The following KIAA0319L variants were observed in gnomAD, a reference collection of about 807,000 sequenced individuals.
KIAA0319L encodes the protein dyslexia-associated protein KIAA0319-like protein.
In KIAA0319L, 55 loss-of-function variants were observed where a neutral mutation model predicts 120.1. That is an observed-to-expected ratio of 0.46 (90% CI 0.37 to 0.57). The LOEUF (loss-of-function observed/expected upper bound fraction) is 0.57. KIAA0319L is among the 20% of genes least tolerant of loss of function. The probability of loss-of-function intolerance (pLI) is 0.00; values close to 1 mark genes in which losing one functional copy is unlikely to be tolerated. For synonymous variants in KIAA0319L, 398 were observed against 471.9 expected, an observed-to-expected ratio of 0.84 and a Z score of 2.03; for missense variants, 1,049 against 1,255.3, an observed-to-expected ratio of 0.84 and a Z score of 2.48.
rs763799325 is a variant in KIAA0319L, at chr1:35,479,178, G to A, written c.701C>T (p.Thr234Ile). The A allele has an allele frequency of 6.2e-6, 10 of 1,613,686 alleles. No homozygotes were observed. The highest frequency in any genetic ancestry group is 4.0e-5 in the African/African-American group (3 of 74,876). ...AGACAGCTCTGCAGTCAGGTCTGTG[G>A]TTAGGGGACTGGAAATTGTAATCGC... ...HKAITISSPL[T>I]TDLTAELSGG... is the part of the protein sequence containing the mutation. Residue 234 changes from threonine to isoleucine, a missense_variant, in exon 4 of 21, where the codon ACC (threonine) becomes ATC (isoleucine). Physicochemically the swap from Thr to Ile is moderately conservative, Grantham distance 89. Coordinates refer to ENST00000325722, the MANE Select transcript of KIAA0319L (RefSeq NM_024874.5).
intron 1 of KIAA0319L, 75 bp from the exon 2 acceptor site, chr1:35,554,594 A>C: frequency 2.7e-6 from 3 of 1,095,678 alleles, no homozygotes; most frequent in South Asian, 1.8e-5. Context: ...GAATGCTAGA[A>C]AATATGACAG....
At chr1:35,439,107 C>T (rs1186690458) in intron 20 of KIAA0319L, 1 of 152,244 alleles carries the variant, frequency 6.6e-6, no homozygotes, top group East Asian at 1.9e-4. Context: ...TCAGCAGGGA[C>T]CCTGCTCATC....
intron 3 of KIAA0319L, among the ~76,000 whole-genome samples, chr1:35,505,409 A>G (rs988574084): frequency 6.6e-6 from 1 of 152,204 alleles, no homozygotes; most frequent in Non-Finnish European, 1.5e-5. Flanking sequence ...AACATCTCGG[A>G]GAAGTCTTAC....
intron 2 of KIAA0319L, among the ~76,000 whole-genome samples, chr1:35,528,563 A>G (rs1646241957): frequency 6.6e-6 from 1 of 152,188 alleles, no homozygotes; most frequent in Admixed American, 6.5e-5. Context: ...AGAATGTTCC[A>G]TGTGTTGATG....
intron 2 of KIAA0319L, among the ~76,000 whole-genome samples, chr1:35,521,695 G>A (rs1645923827): frequency 6.6e-6 from 1 of 150,844 alleles, no homozygotes; most frequent in Admixed American, 6.6e-5. Flanking sequence ...TAAGTAGGCC[G>A]AGAGCGGTGG....
chr1:35,456,714 G>C (rs897706279), intron 9 of KIAA0319L, among the ~76,000 whole-genome samples: 1 of 151,902 alleles, frequency 6.6e-6, no homozygotes, highest in Non-Finnish European at 1.5e-5. Flanking sequence ...GGGAGGCTGA[G>C]GCAAGAGAAT....
At position 35,442,291 on chromosome 1, in the gene KIAA0319L, A is replaced by G; in HGVS notation, c.2825T>C (p.Val942Ala). ...YVIIATFVIV[V>A]ALGILSWTVI... is the part of the protein sequence containing the mutation. ...AGTCCAAGACAGGATTCCCAAGGCAACAACAATGACAAAGGTAGCAATGAT... is the reference window on the plus strand; with the variant it reads ...AGTCCAAGACAGGATTCCCAAGGCAGCAACAATGACAAAGGTAGCAATGAT... Residue 942 changes from valine to alanine, a missense_variant, in exon 19 of 21, where the codon GTT (valine) becomes GCT (alanine). Coordinates refer to ENST00000325722, the MANE Select transcript of KIAA0319L (RefSeq NM_024874.5). 1 of 1,614,040 alleles carries G rather than the reference A, an allele frequency of 6.2e-7. No individual in the cohort carries two copies. The highest frequency in any genetic ancestry group is 8.5e-7 in the Non-Finnish European group (1 of 1,179,872).
intron 2 of KIAA0319L, among the ~76,000 whole-genome samples, chr1:35,523,272 T>G (rs982772909): frequency 6.6e-6 from 1 of 152,184 alleles, no homozygotes; most frequent in African/African-American, 2.4e-5. Flanking sequence ...TCCATGTCTT[T>G]GCCCCTCACT....
rs368152357 is a variant in KIAA0319L at position 35,484,962 on chromosome 1, G to A, written c.667-5750C>T. On this transcript the variant is annotated intron_variant, in intron 3 of 20. Transcript: ENST00000325722. Reference sequence around the variant, plus strand: ...CAATGCTATCCCTCCCCCCTCCCCCGACCCCACCACAGTCCCCAGAGTGTG... The same window carrying A: ...CAATGCTATCCCTCCCCCCTCCCCCAACCCCACCACAGTCCCCAGAGTGTG... 4.1e-4 allele frequency among the ~76,000 whole-genome samples: 18 copies of A among 44,374 alleles called. No homozygotes were observed. The East Asian group carries it at 6.0e-3, about 15-fold the overall frequency. The allele number at this position is 44,374 out of a possible 152,430, so 29.1% of individuals were successfully genotyped here.
chr1:35,452,729 G>A (rs901904657), intron 12 of KIAA0319L, among the ~76,000 whole-genome samples: 6 of 152,126 alleles, frequency 3.9e-5, no homozygotes, highest in Non-Finnish European at 8.8e-5. Context: ...CAAGAGCTGA[G>A]GGAAATAATT....
At chr1:35,526,927 A>C (rs925586804) in intron 2 of KIAA0319L, among the ~76,000 whole-genome samples, 6 of 152,080 alleles carry the variant, frequency 3.9e-5, no homozygotes, top group African/African-American at 9.7e-5. Context: ...AAATTTAAAG[A>C]ATTATTCAGG....
intron 2 of KIAA0319L, among the ~76,000 whole-genome samples, chr1:35,515,170 G>A (rs936416553): frequency 6.6e-6 from 1 of 151,940 alleles, no homozygotes; most frequent in African/African-American, 2.4e-5. Flanking sequence ...AAATTAGCCG[G>A]GTGTGCTGGC....
chr1:35,528,326 C>T (rs6657244), intron 2 of KIAA0319L, among the ~76,000 whole-genome samples: 10,238 of 152,288 alleles, frequency 0.067, 428 homozygotes, highest in African/African-American at 0.1. Context: ...AAGTGATCCT[C>T]CTGCCTCAGC....
chr1:35,537,610 G>A (rs1284969273), intron 2 of KIAA0319L, among the ~76,000 whole-genome samples: 4 of 122,652 alleles, frequency 3.3e-5, no homozygotes, highest in African/African-American at 9.9e-5. Flanking sequence ...TTATGTAAGC[G>A]CCATTAAAAA....
chr1:35,530,807 G>A (rs189166088), intron 2 of KIAA0319L, among the ~76,000 whole-genome samples: 4 of 152,164 alleles, frequency 2.6e-5, no homozygotes, highest in East Asian at 3.9e-4. Context: ...GGATGCATGC[G>A]GCAGTGTAGT....
chr1:35,479,090 G>A lies in KIAA0319L; in HGVS notation c.789C>T (p.Ser263=), dbSNP rs985103818. ...TCTCAGAACTTTTTACTTGTTGAGT[G>A]CTGGGCGTAGTAGCAAGACCCTCTG... is the stretch of plus-strand genomic sequence containing the variant. The part of the protein sequence containing the change: ...EISEGLATTP[S]TQQVKSSEKT... The change falls in exon 4 of 21, where the codon AGC becomes AGT. Residue 263 remains serine (S), a synonymous_variant. Coordinates refer to ENST00000325722, the MANE Select transcript of KIAA0319L (RefSeq NM_024874.5). 1.2e-6 allele frequency: 2 copies of A among 1,614,090 alleles called. No homozygotes were observed. The highest frequency in any genetic ancestry group is 1.7e-6 in the Non-Finnish European group (2 of 1,180,042).
intron 2 of KIAA0319L, among the ~76,000 whole-genome samples, chr1:35,520,024 T>G (rs1645845970): frequency 1.3e-5 from 2 of 152,222 alleles, no homozygotes; most frequent in Admixed American, 1.3e-4. Context: ...GTGGGCTTCC[T>G]GGTCATTCTC....
chr1:35,448,426 G>A, intron 15 of KIAA0319L, 94 bp from the exon 16 acceptor site: 1 of 1,148,434 alleles, frequency 8.7e-7, no homozygotes, highest in Admixed American at 2.0e-5. Flanking sequence ...AGAGAAAGGA[G>A]TGAGAACATT....
rs1439625024 is a variant in KIAA0319L at position 35,457,389 on chromosome 1, C to A, written c.1428-1148G>T. On this transcript the variant is annotated intron_variant, in intron 9 of 20. Transcript: ENST00000325722. ...ATGGACATCCTAGGCAGACAGCCTG[C>A]GGGACGAACCAGGAGGGCTGGCTCC... Among the ~76,000 whole-genome samples, 3 of 150,976 alleles carry A rather than the reference C, an allele frequency of 2.0e-5. No homozygotes were observed. In the South Asian group the frequency reaches 6.3e-4, roughly 32 times the overall value.
Sources: allele counts gnomAD v4.1 joint callset (sites outside exome capture counted in the v4.1 genomes callset), GRCh38; gene constraint gnomAD v4.1.1; transcripts MANE v1.5; gene names NCBI Gene and HGNC (gene_info 2026-07-23, HGNC 2026-07-21).